Variants in COL23A1 observed in about 807,000 individuals in gnomAD.
COL23A1 encodes collagen type XXIII alpha 1 chain.
In COL23A1, 97 loss-of-function variants were observed where a neutral mutation model predicts 99.3. The ratio of observed to expected loss-of-function variants is 0.98; its 90% CI spans 0.83 to 1.16. The LOEUF (loss-of-function observed/expected upper bound fraction) is 1.16. COL23A1 is among the 50% of genes most tolerant of loss of function. COL23A1 has a pLI of 0.00. For synonymous variants in COL23A1, 320 were observed against 308.2 expected, an observed-to-expected ratio of 1.04 and a Z score of -0.40; for missense variants, 762 against 757.4, an observed-to-expected ratio of 1.01 and a Z score of -0.07.
intron 2 of COL23A1, among the ~76,000 whole-genome samples, chr5:178,392,460 G>A (rs1419206365): frequency 1.3e-5 from 2 of 152,040 alleles, no homozygotes; most frequent in African/African-American, 2.4e-5. Flanking sequence ...ACCTTACAAC[G>A]AAACAGGGCT....
At chr5:178,390,158 C>T (rs1763890624) in intron 2 of COL23A1, among the ~76,000 whole-genome samples, 1 of 152,236 alleles carries the variant, frequency 6.6e-6, no homozygotes, top group African/African-American at 2.4e-5. Flanking sequence ...ACCCCATGGA[C>T]ATTCTCACCC....
chr5:178,296,526 C>T (rs977847385), intron 3 of COL23A1, among the ~76,000 whole-genome samples: 4 of 152,130 alleles, frequency 2.6e-5, no homozygotes, highest in Non-Finnish European at 5.9e-5. Context: ...CACTTTCGTC[C>T]GTGGGAGGAC....
chr5:178,437,082 C>T lies in COL23A1; in HGVS notation c.361+123600G>A, dbSNP rs529364550. On this transcript the variant is annotated intron_variant, in intron 2 of 28. Coordinates refer to ENST00000390654, the MANE Select transcript of COL23A1 (RefSeq NM_173465.4). ...TATATTCTTAATACCCTGCCCTCCA[C>T]CTCAGTGGAGTATAATCTTGTTCTT... is the stretch of plus-strand genomic sequence containing the variant. 3.0e-4 allele frequency among the ~76,000 whole-genome samples: 46 copies of T among 152,302 alleles called. No individual in the cohort carries two copies. In the South Asian group the frequency reaches 9.3e-3, roughly 31 times the overall value.
At chr5:178,374,981 T>C (rs1211323649) in intron 2 of COL23A1, among the ~76,000 whole-genome samples, 1 of 152,174 alleles carries the variant, frequency 6.6e-6, no homozygotes, top group Non-Finnish European at 1.5e-5. Flanking sequence ...CAAATGTTCA[T>C]AGAAGCATAC....
chr5:178,479,365 C>T (rs1757206268), intron 2 of COL23A1, among the ~76,000 whole-genome samples: 1 of 152,174 alleles, frequency 6.6e-6, no homozygotes. Context: ...CGAAAAAAAC[C>T]CCGAGCTGCT....
chr5:178,268,046 G>A (rs1756003965), intron 7 of COL23A1, among the ~76,000 whole-genome samples: 1 of 152,218 alleles, frequency 6.6e-6, no homozygotes, highest in Admixed American at 6.5e-5. Context: ...CCGCAGCCCT[G>A]GTGGTTGGGC....
chr5:178,268,674 G>A (rs1443365559), intron 7 of COL23A1, 56 bp downstream of exon 7: 1 of 1,574,174 alleles, frequency 6.4e-7, no homozygotes, highest in Non-Finnish European at 8.7e-7. Context: ...TCGGAGGCAG[G>A]TTTCTGGGAT....
chr5:178,576,636 G>C (rs780074504), intron 1 of COL23A1, among the ~76,000 whole-genome samples: 9 of 152,184 alleles, frequency 5.9e-5, no homozygotes, highest in Admixed American at 2.0e-4. Context: ...TAGGAGCGGG[G>C]ACAGGCGCGG....
intron 2 of COL23A1, among the ~76,000 whole-genome samples, chr5:178,495,602 G>T (rs1178016733): frequency 4.6e-5 from 7 of 152,132 alleles, no homozygotes; most frequent in Admixed American, 4.6e-4. Flanking sequence ...GAAGGAATTT[G>T]CTAGCCTCAG....
intron 2 of COL23A1, among the ~76,000 whole-genome samples, chr5:178,505,976 C>T (rs977154031): frequency 4.0e-4 from 61 of 151,828 alleles, no homozygotes; most frequent in African/African-American, 1.3e-3. Context: ...TACAGGTAAA[C>T]CAGCCCCCCA....
chr5:178,306,957 A>G lies in COL23A1; in HGVS notation c.362-38T>C. On this transcript the variant is annotated intron_variant, in intron 2 of 28. Coordinates refer to ENST00000390654, the MANE Select transcript of COL23A1 (RefSeq NM_173465.4). This position sits in a 1 kb window ranked among gnomAD's most constrained non-coding sequence, Gnocchi z 4.1. ...ACAAGAATGCATTCATTGAGAAGGG[A>G]AGCCAGTGGACTTGGCTGCGTGGGG... 1 of 1,444,356 alleles carries G rather than the reference A, an allele frequency of 6.9e-7. No homozygotes were observed. The allele number at this position is 1,444,356 out of a possible 1,614,324, so 89.5% of individuals were successfully genotyped here. A position where few individuals can be genotyped will look rare whatever the true frequency, so the allele number is the denominator to read the frequency against.
intron 1 of COL23A1, among the ~76,000 whole-genome samples, chr5:178,571,675 T>A (rs1232455546): frequency 6.6e-6 from 1 of 152,146 alleles, no homozygotes; most frequent in Non-Finnish European, 1.5e-5. Context: ...GGCCCACAAC[T>A]GCCACAGAGG....
chr5:178,369,132 G>A (rs1406818644), intron 2 of COL23A1, among the ~76,000 whole-genome samples: 2 of 152,238 alleles, frequency 1.3e-5, no homozygotes, highest in African/African-American at 4.8e-5. Flanking sequence ...CGGGTCAGGA[G>A]GGACAGCATC....
At position 178,306,924 on chromosome 5, in the gene COL23A1, A is replaced by G. The variant is rs1370914692; in HGVS notation, c.362-5T>C. ...TGCCGCGCCGTCCAGGGGGCCCTAG[A>G]CAGGAAAACAAGAATGCATTCATTG... is the stretch of plus-strand genomic sequence containing the variant. On this transcript the variant is annotated splice_polypyrimidine_tract_variant and splice_region_variant and intron_variant, in intron 2 of 28. Coordinates refer to ENST00000390654, the MANE Select transcript of COL23A1 (RefSeq NM_173465.4). This position sits in a 1 kb window ranked among gnomAD's most constrained non-coding sequence, Gnocchi z 4.1. The G allele has an allele frequency of 1.3e-6, 2 of 1,524,704 alleles. No homozygotes were observed. Among genetic ancestry groups the G allele is most frequent in the African/African-American group, 1.4e-5 (1 of 70,240 alleles). 94.4% of individuals were successfully genotyped at this position (1,524,704 alleles called of 1,614,324 possible).
chr5:178,449,459 A>G (rs1388549925), intron 2 of COL23A1, among the ~76,000 whole-genome samples: 1 of 152,154 alleles, frequency 6.6e-6, no homozygotes, highest in Non-Finnish European at 1.5e-5. Flanking sequence ...GCTCACAACC[A>G]CTACAAACCC....
intron 2 of COL23A1, among the ~76,000 whole-genome samples, chr5:178,487,292 A>T (rs3065204): frequency 0.36 from 25,737 of 71,168 alleles, 2,441 homozygotes; most frequent in East Asian, 0.55. Flanking sequence ...CCTCAGTTTT[A>T]TTTATTTATT....
Position 178,245,784 on chromosome 5 carries a change from C to A in COL23A1, c.1440+158G>T, listed in dbSNP as rs567456282. Among the ~76,000 whole-genome samples the A allele has an allele frequency of 5.9e-5, 9 of 152,378 alleles. No individual in the cohort carries two copies. The East Asian group carries it at 1.7e-3, about 29-fold the overall frequency. ...CAAAGGACCTACTCTGGGTCGTGCACTGGACTTGGCAATGGGGACACAGGG... is the reference window on the plus strand; with the variant it reads ...CAAAGGACCTACTCTGGGTCGTGCAATGGACTTGGCAATGGGGACACAGGG... On this transcript the variant is annotated intron_variant, in intron 25 of 28. Coordinates refer to ENST00000390654, the MANE Select transcript of COL23A1 (RefSeq NM_173465.4).
chr5:178,262,555 G>C (rs1765693037), intron 9 of COL23A1, among the ~76,000 whole-genome samples: 2 of 152,156 alleles, frequency 1.3e-5, no homozygotes, highest in Admixed American at 1.3e-4. Flanking sequence ...TCTGGTGGTG[G>C]CATGGGCTCC....
chr5:178,562,065 G>A (rs770459961), intron 1 of COL23A1: 18 of 533,188 alleles, frequency 3.4e-5, no homozygotes, highest in South Asian at 2.6e-4. Context: ...CTGCCGGTGG[G>A]TTCGTGGTCT....
Sources: allele counts gnomAD v4.1 joint callset (sites outside exome capture counted in the v4.1 genomes callset), GRCh38; gene constraint gnomAD v4.1.1; non-coding constraint Gnocchi (gnomAD v3.1); transcripts MANE v1.5; gene names NCBI Gene and HGNC (gene_info 2026-07-23, HGNC 2026-07-21).